TOM1L2: variants seen among roughly 807,000 people sequenced by gnomAD.
The protein encoded by TOM1L2 is TOM1-like protein 2.
In TOM1L2, 31 loss-of-function variants were observed where a neutral mutation model predicts 67.9. The ratio of observed to expected loss-of-function variants is 0.46; its 90% confidence interval spans 0.34 to 0.62. The LOEUF (loss-of-function observed/expected upper bound fraction) is 0.62. TOM1L2 is among the 20% of genes least tolerant of loss of function. The pLI, the probability that TOM1L2 is intolerant of heterozygous loss-of-function variation, is 0.01. For synonymous variants in TOM1L2, 256 were observed against 254.0 expected (o/e 1.01, Z -0.07); for missense variants, 606 against 663.5 (o/e 0.91, Z 0.95).
Position 17,909,328 on chromosome 17 carries a change from A to G in TOM1L2, c.53-1797T>C, listed in dbSNP as rs569971782. Among the ~76,000 whole-genome samples, 4 of 152,282 alleles carry G rather than the reference A, an allele frequency of 2.6e-5. No homozygotes were observed. The East Asian group carries it at 5.8e-4, about 22-fold the overall frequency. On this transcript the variant is annotated intron_variant, in intron 1 of 14. Coordinates refer to ENST00000379504, the MANE Select transcript of TOM1L2 (RefSeq NM_001082968.2). Reference sequence around the variant, plus strand: ...TGTTCATAGCAGCAATAGTCACAAGAGCCAAAAGGTGTAAACAGCCTGTGT... The same window carrying G: ...TGTTCATAGCAGCAATAGTCACAAGGGCCAAAAGGTGTAAACAGCCTGTGT...
chr17:17,913,229 G>A (rs867643259), intron 1 of TOM1L2, among the ~76,000 whole-genome samples: 103 of 145,084 alleles, frequency 7.1e-4, no homozygotes, highest in African/African-American at 1.6e-3. Flanking sequence ...GAGGGAGACC[G>A]TGGGGAGACG....
chr17:17,887,615 A>G (rs1434341864), intron 4 of TOM1L2, among the ~76,000 whole-genome samples: 1 of 152,220 alleles, frequency 6.6e-6, no homozygotes, highest in African/African-American at 2.4e-5. Context: ...AGCTGGGACT[A>G]TAAGCATGTG....
chr17:17,894,912 C>G (rs1400469567), intron 3 of TOM1L2, among the ~76,000 whole-genome samples: 2 of 152,062 alleles, frequency 1.3e-5, no homozygotes, highest in African/African-American at 4.8e-5. Flanking sequence ...GCTCAGGCAA[C>G]AGAACAAAAC....
At chr17:17,912,006 G>GA (rs1435032750) in intron 1 of TOM1L2, among the ~76,000 whole-genome samples, 23 of 150,356 alleles carry the variant, frequency 1.5e-4, no homozygotes, top group Non-Finnish European at 2.8e-4. Flanking sequence ...CAAGGCAGAA[G>GA]AATTTTTCTT....
At position 17,845,447 on chromosome 17, in the gene TOM1L2, A is replaced by G. The variant is rs537277318; in HGVS notation, c.*2188T>C. 14 of 152,378 alleles carry G rather than the reference A, an allele frequency of 9.2e-5. No individual in the cohort carries two copies. The highest frequency in any genetic ancestry group is 3.4e-4 in the African/African-American group (14 of 41,588). The allele number at this position is 152,378 out of a possible 1,614,324, so 9.4% of individuals were successfully genotyped here. A position where few individuals can be genotyped will look rare whatever the true frequency, so the allele number is the denominator to read the frequency against. ...GAGGGCGCCTATTTCAGCTTCACGC[A>G]CTATGGAATCCCTGCTCCTTTCAGA... On this transcript the variant is annotated 3_prime_UTR_variant, in exon 15 of 15. Transcript: ENST00000379504.
intron 1 of TOM1L2, among the ~76,000 whole-genome samples, chr17:17,931,456 G>A (rs1433922627): frequency 6.6e-6 from 1 of 152,230 alleles, no homozygotes; most frequent in African/African-American, 2.4e-5. Flanking sequence ...CTGAGCCTCA[G>A]TTTCCACATC....
At chr17:17,939,954 A>C (rs1301931670) in intron 1 of TOM1L2, among the ~76,000 whole-genome samples, 1 of 151,948 alleles carries the variant, frequency 6.6e-6, no homozygotes, top group African/African-American at 2.4e-5. Context: ...GCACTCTGGG[A>C]GGCCAAGTCG....
At chr17:17,942,954 C>G (rs1488655539) in intron 1 of TOM1L2, among the ~76,000 whole-genome samples, 1 of 152,062 alleles carries the variant, frequency 6.6e-6, no homozygotes, top group Non-Finnish European at 1.5e-5. Flanking sequence ...TTATCTATTT[C>G]AGTATTTATA....
intron 4 of TOM1L2, among the ~76,000 whole-genome samples, chr17:17,885,535 C>T (rs1205363485): frequency 1.3e-5 from 2 of 152,156 alleles, no homozygotes; most frequent in Admixed American, 1.3e-4. Flanking sequence ...AGCACAATCA[C>T]CAGATTCCCT....
chr17:17,869,068 G>T, intron 8 of TOM1L2: 1 of 461,044 alleles, frequency 2.2e-6, no homozygotes, highest in Non-Finnish European at 3.7e-6. Context: ...GGGGGTGGCG[G>T]GGCAGTGGGG....
chr17:17,899,097 G>A lies in TOM1L2; in HGVS notation c.138-423C>T, dbSNP rs576693968. 9.2e-5 allele frequency among the ~76,000 whole-genome samples: 14 copies of A among 152,354 alleles called. No individual in the cohort carries two copies. In the South Asian group the frequency reaches 2.9e-3, roughly 32 times the overall value. On this transcript the variant is annotated intron_variant, in intron 2 of 14. Transcript: ENST00000379504. ...CCCCTAAGGAAGGGAACCAAAGGCG[G>A]AGGGAGGTTTTTCACTGGACTGCCT...
intron 7 of TOM1L2, among the ~76,000 whole-genome samples, chr17:17,878,828 A>T (rs550439589): frequency 6.6e-6 from 1 of 152,332 alleles, no homozygotes; most frequent in African/African-American, 2.4e-5. Context: ...ACTGCTTCTA[A>T]GGGCAGTACC....
chr17:17,864,554 C>T (rs2036742216), intron 10 of TOM1L2, among the ~76,000 whole-genome samples: 1 of 150,024 alleles, frequency 6.7e-6, no homozygotes, highest in Non-Finnish European at 1.5e-5. Context: ...CTCTGTTGCT[C>T]AGGCTGCAGT....
At chr17:17,886,911 G>A (rs896265263) in intron 4 of TOM1L2, among the ~76,000 whole-genome samples, 2 of 152,232 alleles carry the variant, frequency 1.3e-5, no homozygotes, top group Admixed American at 1.3e-4. Context: ...AGCACTAGAA[G>A]CTGGGATGTT....
In TOM1L2 at chr17:17,907,538, A is replaced by G; in HGVS notation, c.53-7T>C. The G allele has an allele frequency of 6.2e-7, 1 of 1,613,524 alleles. No homozygotes were observed. Among genetic ancestry groups the G allele is most frequent in the East Asian group, 2.2e-5 (1 of 44,872 alleles). On this transcript the variant is annotated splice_region_variant and splice_polypyrimidine_tract_variant and intron_variant, in intron 1 of 14. Transcript: ENST00000379504. ...GAGCCATCTGTTGCCTTTTCTGTGA[A>G]ATCAGAGAGAAAATGGGTTTACATT...
intron 1 of TOM1L2, among the ~76,000 whole-genome samples, chr17:17,951,144 T>C (rs2041189801): frequency 1.3e-5 from 2 of 152,142 alleles, no homozygotes; most frequent in Non-Finnish European, 2.9e-5. Context: ...TCAATCAGCC[T>C]CATCCATAAA....
intron 10 of TOM1L2, among the ~76,000 whole-genome samples, chr17:17,863,561 G>C (rs1234879849): frequency 7.5e-6 from 1 of 132,920 alleles, no homozygotes; most frequent in Non-Finnish European, 1.6e-5. Context: ...GAAGACACTA[G>C]ACTTTTTTTT....
At chr17:17,919,215 A>G (rs2039752468) in intron 1 of TOM1L2, among the ~76,000 whole-genome samples, 1 of 152,148 alleles carries the variant, frequency 6.6e-6, no homozygotes. Flanking sequence ...GTTAGAGGAG[A>G]CTAAATAATA....
chr17:17,872,299 C>T (rs781331390), intron 7 of TOM1L2, among the ~76,000 whole-genome samples: 3 of 152,268 alleles, frequency 2.0e-5, no homozygotes, highest in Non-Finnish European at 4.4e-5. Flanking sequence ...AGGATTCCAA[C>T]AGCCAGGACT....
Sources: allele counts gnomAD v4.1 joint callset (sites outside exome capture counted in the v4.1 genomes callset), GRCh38; gene constraint gnomAD v4.1.1; transcripts MANE v1.5; gene names NCBI Gene and HGNC (gene_info 2026-07-23, HGNC 2026-07-21).